Variants in RASEF observed in about 807,000 individuals in gnomAD.
The protein encoded by RASEF is RAS and EF-hand domain containing.
A neutral mutation model predicts 90.1 loss-of-function variants in RASEF; 68 were observed. The observed-to-expected ratio is 0.75, with a 90% confidence interval of 0.62 to 0.92. The LOEUF is 0.92. Among genes scored for constraint, RASEF ranks in the 40% least tolerant of loss-of-function variants. The pLI is 0.00. For missense variants in RASEF, 949 were observed against 937.2 expected (o/e 1.01, Z -0.16); for synonymous variants, 331 against 345.2 (o/e 0.96, Z 0.46).
upstream of RASEF, among the ~76,000 whole-genome samples, chr9:83,066,933 A>G (rs574944244): frequency 6.6e-5 from 10 of 152,280 alleles, no homozygotes; most frequent in African/African-American, 2.4e-4. Context: ...AACATACTTG[A>G]GGAGACCTCG....
chr9:82,998,297 A>G, intron 13 of RASEF, 68 bp downstream of exon 13: 1 of 837,982 alleles, frequency 1.2e-6, no homozygotes, highest in Non-Finnish European at 2.0e-6. Context: ...TATGAAGAAC[A>G]TCAAGTGGCC....
chr9:83,123,208 C>T, the RASEF span, among the ~76,000 whole-genome samples: 1 of 138,528 alleles, frequency 7.2e-6, no homozygotes, highest in Admixed American at 8.1e-5. Flanking sequence ...CCTCTGCACT[C>T]TGGCCTGGGC....
chr9:83,126,911 C>T, the RASEF span, among the ~76,000 whole-genome samples: 7 of 152,158 alleles, frequency 4.6e-5, no homozygotes, highest in Non-Finnish European at 8.8e-5. Context: ...ACAATGGATT[C>T]CCAGCGCTGC....
the RASEF span, among the ~76,000 whole-genome samples, chr9:83,213,089 GTT>G: frequency 8.2e-5 from 9 of 109,384 alleles, no homozygotes; most frequent in African/African-American, 2.4e-4. Flanking sequence ...CAATGCACAC[GTT>G]TTAAAAAAAA....
the RASEF span, among the ~76,000 whole-genome samples, chr9:83,074,679 G>A: frequency 3.3e-5 from 5 of 152,332 alleles, no homozygotes; most frequent in Middle Eastern, 0.014. Context: ...GCAAGAAAAT[G>A]GCTGAGTAGC....
intron 1 of RASEF, among the ~76,000 whole-genome samples, chr9:83,060,178 C>CA: frequency 6.6e-6 from 1 of 152,100 alleles, no homozygotes; most frequent in Non-Finnish European, 1.5e-5. Flanking sequence ...AGGTGGGAAA[C>CA]AAAGCCACAA....
the RASEF span, among the ~76,000 whole-genome samples, chr9:83,185,483 G>C: frequency 6.6e-6 from 1 of 151,884 alleles, no homozygotes; most frequent in Non-Finnish European, 1.5e-5. Flanking sequence ...CTCTAAAGAA[G>C]CACAGTCAAT....
Position 82,985,438 on chromosome 9 carries a change from G to A in RASEF, c.2118-2656C>T, listed in dbSNP as rs1237837140. On this transcript the variant is annotated intron_variant, in intron 16 of 16. Coordinates refer to ENST00000376447, the MANE Select transcript of RASEF (RefSeq NM_152573.4). ...CCCCGGGGTCCTTCCCACAACACATGGGAATTCTGAGAGATACAATTCAAG... is the reference window on the plus strand; with the variant it reads ...CCCCGGGGTCCTTCCCACAACACATAGGAATTCTGAGAGATACAATTCAAG... Among the ~76,000 whole-genome samples the A allele has an allele frequency of 3.3e-5, 5 of 152,134 alleles. No individual in the cohort carries two copies. In the South Asian group the frequency reaches 1.0e-3, roughly 32 times the overall value.
At chr9:83,138,190 A>T in the RASEF span, among the ~76,000 whole-genome samples, 1 of 151,720 alleles carries the variant, frequency 6.6e-6, no homozygotes, top group Non-Finnish European at 1.5e-5. Context: ...TTGTCCAAAT[A>T]ATCCCAGCAG....
At chr9:83,104,688 A>G in the RASEF span, among the ~76,000 whole-genome samples, 1 of 152,180 alleles carries the variant, frequency 6.6e-6, no homozygotes, top group Non-Finnish European at 1.5e-5. Context: ...TGACCCAATT[A>G]TTCTGCATTT....
the RASEF span, among the ~76,000 whole-genome samples, chr9:83,161,735 A>G: frequency 6.6e-6 from 1 of 151,766 alleles, no homozygotes; most frequent in Non-Finnish European, 1.5e-5. Flanking sequence ...ATGTTAAACT[A>G]TAACTCTGAC....
chr9:83,124,543 C>T, the RASEF span, among the ~76,000 whole-genome samples: 6 of 152,068 alleles, frequency 3.9e-5, no homozygotes, highest in Non-Finnish European at 7.4e-5. Flanking sequence ...ATAAAGCTGC[C>T]GCAGTTTCTC....
chr9:83,182,187 A>T, the RASEF span, among the ~76,000 whole-genome samples: 1 of 152,190 alleles, frequency 6.6e-6, no homozygotes, highest in African/African-American at 2.4e-5. Context: ...CACTATAAAA[A>T]ATGCCATGCC....
upstream of RASEF, among the ~76,000 whole-genome samples, chr9:83,064,303 A>T (rs903192893): frequency 3.9e-5 from 6 of 152,254 alleles, no homozygotes; most frequent in African/African-American, 1.2e-4. Flanking sequence ...CTGGTAAATT[A>T]TGAGAGGCAT....
intron 16 of RASEF, among the ~76,000 whole-genome samples, chr9:82,990,100 T>C (rs1254886351): frequency 6.6e-6 from 1 of 152,192 alleles, no homozygotes; most frequent in African/African-American, 2.4e-5. Context: ...GTATAAAATC[T>C]GCTTCCTGGA....
At chr9:83,034,707 G>A (rs1829707385) in intron 1 of RASEF, among the ~76,000 whole-genome samples, 1 of 152,192 alleles carries the variant, frequency 6.6e-6, no homozygotes, top group Admixed American at 6.5e-5. Flanking sequence ...TGGGGCTTCT[G>A]CAGTCATAAA....
upstream of RASEF, among the ~76,000 whole-genome samples, chr9:83,064,928 C>G (rs886444464): frequency 2.0e-5 from 3 of 152,078 alleles, no homozygotes; most frequent in Admixed American, 6.6e-5. Flanking sequence ...ATTAGCTGGG[C>G]GTGGTGGCGG....
chr9:83,169,892 T>C, the RASEF span, among the ~76,000 whole-genome samples: 2 of 151,950 alleles, frequency 1.3e-5, no homozygotes, highest in African/African-American at 4.8e-5. Context: ...CTTCACTTTG[T>C]TGATTGTTTC....
chr9:83,062,724 C>T lies in RASEF; in HGVS notation c.144G>A (p.Glu48=), dbSNP rs1587532795. Reference sequence around the variant, plus strand: ...CGGCGTCCAGCCGCTGGAATACTGCCTCGGCGTCGGCCGGCCGCACCCGCA... The same window carrying T: ...CGGCGTCCAGCCGCTGGAATACTGCTTCGGCGTCGGCCGGCCGCACCCGCA... The part of the protein sequence containing the change: ...TELRVRPADA[E]AVFQRLDADR... Residue 48 remains glutamate, a synonymous_variant, in exon 1 of 17, where the codon GAG becomes GAA. Coordinates refer to ENST00000376447, the MANE Select transcript of RASEF (RefSeq NM_152573.4). The T allele has an allele frequency of 6.3e-7, 1 of 1,575,864 alleles. No homozygotes were observed. The highest frequency in any genetic ancestry group is 8.5e-7 in the Non-Finnish European group (1 of 1,169,598).
Sources: allele counts gnomAD v4.1 joint callset (sites outside exome capture counted in the v4.1 genomes callset), GRCh38; gene constraint gnomAD v4.1.1; transcripts MANE v1.5; gene names NCBI Gene and HGNC (gene_info 2026-07-23, HGNC 2026-07-21).